Variants in LUZP4 observed in about 807,000 individuals in gnomAD.
The protein encoded by LUZP4 is HOM-TES-85 tumor antigen.
In LUZP4, 11 loss-of-function variants were observed where a neutral mutation model predicts 8.5. The observed-to-expected ratio is 1.30, with a 90% confidence interval of 0.82 to 2.14. The LOEUF (loss-of-function observed/expected upper bound fraction) is 2.14. Among genes scored for constraint, LUZP4 ranks in the 30% most tolerant of loss-of-function variants. The probability of loss-of-function intolerance (pLI) is 0.00; values close to 1 mark genes in which losing one functional copy is unlikely to be tolerated. For synonymous variants in LUZP4, 104 were observed against 79.4 expected (o/e 1.31, Z -1.65); for missense variants, 276 against 229.7 (o/e 1.20, Z -1.30).
chrX:115,306,442 T>C lies in LUZP4; in HGVS notation c.580T>C (p.Tyr194His). The C allele has an allele frequency of 8.3e-7, 1 of 1,211,389 alleles. No individual in the cohort carries two copies. Among genetic ancestry groups the C allele is most frequent in the Non-Finnish European group, 1.1e-6 (1 of 895,370 alleles). The change falls in exon 4 of 4, where the codon TAC becomes CAC. Residue 194 changes from tyrosine (Y) to histidine (H), a missense_variant. Tyr to His is a moderately conservative substitution (Grantham distance 83, BLOSUM62 2). Coordinates refer to ENST00000371920, the MANE Select transcript of LUZP4 (RefSeq NM_016383.5). ...CCAATATGAGAGATCTCATGGCCAA[T>C]ACAAGAGATCTCATGGTCAATCTGA... The part of the protein sequence containing the change: ...HPQYERSHGQ[Y>H]KRSHGQSERS...
At chrX:115,305,826 T>C (rs2073417697) in intron 3 of LUZP4, among the ~76,000 whole-genome samples, 2 of 112,103 alleles carry the variant, frequency 1.8e-5, no homozygotes, top group Non-Finnish European at 3.8e-5. Context: ...TTTTGAACAC[T>C]TTCCTTTTGA....
intron 3 of LUZP4, among the ~76,000 whole-genome samples, chrX:115,305,824 ACTTTC>A (rs1556603559): frequency 2.7e-5 from 3 of 112,014 alleles, no homozygotes; most frequent in South Asian, 7.4e-4. Flanking sequence ...GATTTTGAAC[ACTTTC>A]CTTTTGATCC....
intron 1 of LUZP4, among the ~76,000 whole-genome samples, chrX:115,299,149 C>T (rs190698816): frequency 1.3e-4 from 14 of 111,412 alleles, no homozygotes; most frequent in African/African-American, 4.6e-4. Context: ...CCTAAACAAA[C>T]AGAGTGTCTC....
chrX:115,304,678 A>AT (rs1200875109), intron 3 of LUZP4, among the ~76,000 whole-genome samples: 16 of 103,985 alleles, frequency 1.5e-4, no homozygotes, highest in East Asian at 6.0e-4. Context: ...TGCTCTGCGA[A>AT]TTTTTTTTTT....
At position 115,306,848 on chromosome X, in the gene LUZP4, A is replaced by G. The variant is rs180867049; in HGVS notation, c.*44A>G. 21 of 1,097,886 alleles carry G rather than the reference A, an allele frequency of 1.9e-5. No individual in the cohort carries two copies. The highest frequency in any genetic ancestry group is 1.1e-4 in the Admixed American group (5 of 43,528). The allele number at this position is 1,097,886 out of a possible 1,213,427, so 90.5% of individuals were successfully genotyped here. ...GAATTCTGTGGAAATAGAAAAGCAT[A>G]TATCTATATTCTAATGGCTAAATAT... On this transcript the variant is annotated 3_prime_UTR_variant, in exon 4 of 4. Transcript: ENST00000371920.
rs1021414640 is a variant in LUZP4 at position 115,299,743 on chromosome X, C to T, written c.92-2249C>T. 3.6e-5 allele frequency among the ~76,000 whole-genome samples: 4 copies of T among 111,115 alleles called. No homozygotes were observed. In the Admixed American group the frequency reaches 3.8e-4, roughly 11 times the overall value. Reference sequence around the variant, plus strand: ...AGAAGTGTTATCCAAGAGTCAAGTCCTGGAATCACGGATTCCAAGAGCCCA... The same window carrying T: ...AGAAGTGTTATCCAAGAGTCAAGTCTTGGAATCACGGATTCCAAGAGCCCA... On this transcript the variant is annotated intron_variant, in intron 1 of 3. Coordinates refer to ENST00000371920, the MANE Select transcript of LUZP4 (RefSeq NM_016383.5).
rs145764862 is a variant in LUZP4 at position 115,306,289 on chromosome X, C to T, written c.427C>T (p.Pro143Ser). Residue 143 changes from proline (P) to serine (S), a missense_variant, in exon 4 of 4, where the codon CCG becomes TCG. Transcript: ENST00000371920. ...GAACCAGCATCAATCAGAAGGAAAT[C>T]CGGACAAATCAGAAGAATCCCAGGG... ...EGNQHQSEGN[P>S]DKSEESQGQP... 21 of 1,209,089 alleles carry T rather than the reference C, an allele frequency of 1.7e-5. No homozygotes were observed. The African/African-American group carries it at 3.7e-4, about 21-fold the overall frequency.
intron 1 of LUZP4, among the ~76,000 whole-genome samples, chrX:115,291,829 G>A (rs2073350410): frequency 9.0e-6 from 1 of 111,169 alleles, no homozygotes; most frequent in African/African-American, 3.3e-5. Flanking sequence ...GGCTGAGGCA[G>A]GAGAATTGCT....
chrX:115,290,817 CTG>C (rs1274400118), intron 1 of LUZP4, among the ~76,000 whole-genome samples: 9 of 111,096 alleles, frequency 8.1e-5, no homozygotes, highest in Non-Finnish European at 1.7e-4. Flanking sequence ...CGTGCTTGCT[CTG>C]TTTCTCAGGC....
rs2073352963 is a variant in LUZP4 at position 115,292,506 on chromosome X, A to G, written c.91+2656A>G. Among the ~76,000 whole-genome samples the G allele has an allele frequency of 3.6e-5, 4 of 110,596 alleles. No individual in the cohort carries two copies. The Admixed American group carries it at 3.9e-4, about 11-fold the overall frequency. On this transcript the variant is annotated intron_variant, in intron 1 of 3. Coordinates refer to ENST00000371920, the MANE Select transcript of LUZP4 (RefSeq NM_016383.5). ...TGCAGCCTTGCTGAGTGTGTTCATT[A>G]GTGCTAATCTCCGTGTGTGTGTGTG...
chrX:115,294,944 A>G (rs1293842446), intron 1 of LUZP4, among the ~76,000 whole-genome samples: 1 of 112,145 alleles, frequency 8.9e-6, no homozygotes, highest in Non-Finnish European at 1.9e-5. Context: ...CTCTATATCC[A>G]TATTTTAAAC....
At chrX:115,300,597 T>G (rs782693796) in intron 1 of LUZP4, among the ~76,000 whole-genome samples, 21 of 111,790 alleles carry the variant, frequency 1.9e-4, no homozygotes, top group African/African-American at 6.8e-4. Context: ...ATGTTCGGGC[T>G]GCCGGGATGG....
intron 1 of LUZP4, among the ~76,000 whole-genome samples, chrX:115,300,963 G>C (rs1300992505): frequency 9.1e-6 from 1 of 110,124 alleles, no homozygotes; most frequent in Admixed American, 9.7e-5. Context: ...GTCCTTGCTG[G>C]GGGGACGATC....
At chrX:115,297,619 T>C (rs990450917) in intron 1 of LUZP4, among the ~76,000 whole-genome samples, 2 of 111,824 alleles carry the variant, frequency 1.8e-5, no homozygotes, top group Non-Finnish European at 3.8e-5. Flanking sequence ...AAGGGGCTGC[T>C]GCCAGACATA....
chrX:115,307,110 C>T lies in LUZP4; in HGVS notation c.*306C>T, dbSNP rs946788243. ...ATATTTTGACTTAGTGTCCTGTCCCCCTTGGACGTTCCAACTTGACTTAGT... is the reference window on the plus strand; with the variant it reads ...ATATTTTGACTTAGTGTCCTGTCCCTCTTGGACGTTCCAACTTGACTTAGT... On this transcript the variant is annotated 3_prime_UTR_variant, in exon 4 of 4. Coordinates refer to ENST00000371920, the MANE Select transcript of LUZP4 (RefSeq NM_016383.5). The T allele has an allele frequency of 3.8e-6, 1 of 265,521 alleles. No homozygotes were observed. Among genetic ancestry groups the T allele is most frequent in the African/African-American group, 2.7e-5 (1 of 36,905 alleles). The allele number at this position is 265,521 out of a possible 1,213,427, so 21.9% of individuals were successfully genotyped here.
chrX:115,299,201 C>G (rs782185890), intron 1 of LUZP4, among the ~76,000 whole-genome samples: 60 of 111,400 alleles, frequency 5.4e-4, no homozygotes, highest in Middle Eastern at 4.6e-3. Context: ...GACACAAGCA[C>G]CCCTGTGGCC....
In LUZP4 at chrX:115,289,769, T is replaced by G; in HGVS notation, c.10T>G (p.Phe4Val). ...CCATGATGCAGGGAAGATGGCTTCG[T>G]TTCGGAAGCTAACGCTTTCTGAAAA... is the stretch of plus-strand genomic sequence containing the variant. MAS[F>V]RKLTLSEKVP... Residue 4 changes from phenylalanine (F) to valine (V), a missense_variant, in exon 1 of 4, where the codon TTT becomes GTT. Physicochemically the swap from Phe to Val is conservative, Grantham distance 50 (BLOSUM62 -1). Coordinates refer to ENST00000371920, the MANE Select transcript of LUZP4 (RefSeq NM_016383.5). 8.3e-7 allele frequency: 1 copy of G among 1,208,190 alleles called. No homozygotes were observed. Among genetic ancestry groups the G allele is most frequent in the Middle Eastern group, 2.3e-4 (1 of 4,296 alleles).
At chrX:115,302,251 C>A in intron 2 of LUZP4, 128 bp downstream of exon 2, 1 of 578,186 alleles carries the variant, frequency 1.7e-6, no homozygotes, top group Non-Finnish European at 2.6e-6. Context: ...TTTATTTTTT[C>A]TGGGCATGGG....
In LUZP4 at chrX:115,305,206, C is replaced by A. The variant is rs144865140; in HGVS notation, c.343-999C>A. On this transcript the variant is annotated intron_variant, in intron 3 of 3. Coordinates refer to ENST00000371920, the MANE Select transcript of LUZP4 (RefSeq NM_016383.5). ...ATCTTTCCTACTGACCCACTGTGCT[C>A]CCAACACCAATCACTTAGAAAAGAG... 2.7e-3 allele frequency among the ~76,000 whole-genome samples: 307 copies of A among 112,112 alleles called. 1 individual carries two copies. Among genetic ancestry groups the A allele is most frequent in the African/African-American group, 9.5e-3 (294 of 30,892 alleles).
Sources: gnomAD v4.1 joint callset for allele counts (sites outside exome capture counted in the v4.1 genomes callset) on GRCh38, gnomAD v4.1.1 for gene constraint, MANE v1.5 for transcripts, NCBI Gene and HGNC (gene_info 2026-07-23, HGNC 2026-07-21) for gene names.